CTNNA3: variants seen among roughly 807,000 people sequenced by gnomAD.
CTNNA3 encodes the protein catenin alpha 3, also known as catenin alpha-3.
CTNNA3 carries 76 observed loss-of-function variants against 95.7 expected under a neutral mutation model. That is an observed-to-expected ratio of 0.79 (90% CI 0.66 to 0.96). The LOEUF (loss-of-function observed/expected upper bound fraction) is 0.96, where lower values mean the gene tolerates loss of function less well. Among genes scored for constraint, CTNNA3 ranks in the 40% least tolerant of loss-of-function variants. The pLI is 0.00. For missense variants in CTNNA3, 1,191 were observed against 1,089.8 expected (o/e 1.09, Z -1.31); for synonymous variants, 431 against 374.4 (o/e 1.15, Z -1.74).
At chr10:65,972,499 CA>C (rs2078124806) in intron 16 of CTNNA3, among the ~76,000 whole-genome samples, 1 of 152,088 alleles carries the variant, frequency 6.6e-6, no homozygotes, top group African/African-American at 2.4e-5. Context: ...TTTTAGGATA[CA>C]AAATCATTGT....
Position 67,228,561 on chromosome 10 carries a change from T to C in CTNNA3, c.580-8691A>G, listed in dbSNP as rs1477481334. Among the ~76,000 whole-genome samples the C allele has an allele frequency of 3.9e-5, 6 of 152,026 alleles. No homozygotes were observed. The East Asian group carries it at 1.2e-3, about 30-fold the overall frequency. On this transcript the variant is annotated intron_variant, in intron 5 of 17. Transcript: ENST00000433211. The stretch of plus-strand genomic sequence containing the variant: ...CCGGAAGGTGGAAGTTGCAGTGGGC[T>C]GAGATCGTGCCACTGCACTCCAGCC...
intron 9 of CTNNA3, among the ~76,000 whole-genome samples, chr10:66,720,349 G>C (rs1030245783): frequency 5.3e-5 from 8 of 151,056 alleles, no homozygotes; most frequent in Admixed American, 1.3e-4. Context: ...AACAGCTGGA[G>C]AGCAAAGCAA....
Position 66,455,722 on chromosome 10 carries a change from A to G in CTNNA3, c.1531+64895T>C, listed in dbSNP as rs1488692865. 3.3e-5 allele frequency among the ~76,000 whole-genome samples: 5 copies of G among 152,138 alleles called. No homozygotes were observed. In the South Asian group the frequency reaches 8.3e-4, roughly 25 times the overall value. Reference sequence around the variant, plus strand: ...TCAGGCTCTGGGTTAGTGCTGCTCCACAAGGAGCTGTCATTCTGCGGTACA... The same window carrying G: ...TCAGGCTCTGGGTTAGTGCTGCTCCGCAAGGAGCTGTCATTCTGCGGTACA... On this transcript the variant is annotated intron_variant, in intron 11 of 17. Coordinates refer to ENST00000433211, the MANE Select transcript of CTNNA3 (RefSeq NM_013266.4).
At chr10:67,056,217 T>C (rs1207195527) in intron 7 of CTNNA3, among the ~76,000 whole-genome samples, 2 of 152,150 alleles carry the variant, frequency 1.3e-5, no homozygotes, top group Non-Finnish European at 2.9e-5. Flanking sequence ...ATATGGTTGG[T>C]ATACAAGTTC....
At chr10:66,399,370 T>C (rs2093002791) in intron 11 of CTNNA3, among the ~76,000 whole-genome samples, 1 of 151,836 alleles carries the variant, frequency 6.6e-6, no homozygotes, top group Admixed American at 6.6e-5. Context: ...TAGAACAATA[T>C]TATTTTAACA....
chr10:66,636,126 A>G (rs1264072281), intron 9 of CTNNA3, among the ~76,000 whole-genome samples: 1 of 151,908 alleles, frequency 6.6e-6, no homozygotes, highest in Non-Finnish European at 1.5e-5. Context: ...ATTAAATACT[A>G]TGATTTCATA....
chr10:67,216,422 C>G (rs1311263413), intron 6 of CTNNA3, among the ~76,000 whole-genome samples: 2 of 152,080 alleles, frequency 1.3e-5, no homozygotes, highest in African/African-American at 4.8e-5. Flanking sequence ...CATATACCCC[C>G]AAATACATCC....
rs541778934 is a variant in CTNNA3 at position 65,913,944 on chromosome 10, C to T, written c.*6386G>A. 5 of 152,128 alleles carry T rather than the reference C, an allele frequency of 3.3e-5. No homozygotes were observed. The highest frequency in any genetic ancestry group is 7.4e-5 in the Non-Finnish European group (5 of 68,014). 9.4% of individuals were successfully genotyped at this position (152,128 alleles called of 1,614,324 possible). A position where few individuals can be genotyped will look rare whatever the true frequency, so the allele number is the denominator to read the frequency against. On this transcript the variant is annotated 3_prime_UTR_variant, in exon 18 of 18. Coordinates refer to ENST00000433211, the MANE Select transcript of CTNNA3 (RefSeq NM_013266.4). ...TCAGAATAGAAAAGCAAGATATCTA[C>T]AGGCTTTTGAACTATTGATACAACT... is the stretch of plus-strand genomic sequence containing the variant.
At chr10:66,365,391 G>C (rs907494674) in intron 12 of CTNNA3, among the ~76,000 whole-genome samples, 1 of 152,046 alleles carries the variant, frequency 6.6e-6, no homozygotes, top group African/African-American at 2.4e-5. Flanking sequence ...CTCAGGGGCT[G>C]GGGGGACTAG....
chr10:66,774,344 G>T (rs151338814), intron 8 of CTNNA3, among the ~76,000 whole-genome samples: 2 of 151,990 alleles, frequency 1.3e-5, no homozygotes, highest in East Asian at 1.9e-4. Context: ...GTTCTGACTC[G>T]GTGCCCCATC....
intron 5 of CTNNA3, among the ~76,000 whole-genome samples, chr10:67,325,069 G>C (rs1347406152): frequency 1.3e-5 from 2 of 151,934 alleles, no homozygotes; most frequent in African/African-American, 4.8e-5. Context: ...GTATTTCTGT[G>C]GGGTCAATGG....
At chr10:67,656,491 C>G (rs1012606759) in intron 1 of CTNNA3, among the ~76,000 whole-genome samples, 1 of 151,944 alleles carries the variant, frequency 6.6e-6, no homozygotes, top group African/African-American at 2.4e-5. Flanking sequence ...GTGCCAATCA[C>G]GAGGAGAGTG....
chr10:66,104,600 T>G (rs1321649676), intron 13 of CTNNA3, among the ~76,000 whole-genome samples: 1 of 152,128 alleles, frequency 6.6e-6, no homozygotes, highest in Non-Finnish European at 1.5e-5. Context: ...CTCTCTCCCA[T>G]CCTCCCTGCT....
At chr10:67,736,777 T>C (rs529765750) in intron 1 of CTNNA3, among the ~76,000 whole-genome samples, 1 of 152,052 alleles carries the variant, frequency 6.6e-6, no homozygotes, top group Non-Finnish European at 1.5e-5. Flanking sequence ...CAAAGAAACA[T>C]TAGATTTAAC....
At chr10:66,723,746 G>C (rs1356675549) in intron 9 of CTNNA3, among the ~76,000 whole-genome samples, 3 of 152,110 alleles carry the variant, frequency 2.0e-5, no homozygotes, top group Non-Finnish European at 4.4e-5. Context: ...AGTTTCAAGG[G>C]TCTTCACTCC....
chr10:66,783,873 T>C (rs1374187371), intron 7 of CTNNA3, among the ~76,000 whole-genome samples: 1 of 152,156 alleles, frequency 6.6e-6, no homozygotes, highest in Non-Finnish European at 1.5e-5. Flanking sequence ...TAAGTCTAAT[T>C]CCTACTCTGT....
At chr10:67,114,708 A>AGGTG in intron 7 of CTNNA3, among the ~76,000 whole-genome samples, 1 of 74,528 alleles carries the variant, frequency 1.3e-5, no homozygotes, top group African/African-American at 8.0e-5. Flanking sequence ...TGGTTCTTAA[A>AGGTG]GGTGTGTGTG....
At chr10:66,519,720 A>C (rs1387877442) in intron 11 of CTNNA3, among the ~76,000 whole-genome samples, 1 of 152,038 alleles carries the variant, frequency 6.6e-6, no homozygotes, top group African/African-American at 2.4e-5. Context: ...TTCATCTTAC[A>C]TATGTTGATT....
At chr10:66,794,041 G>A (rs548239149) in intron 7 of CTNNA3, among the ~76,000 whole-genome samples, 8 of 152,174 alleles carry the variant, frequency 5.3e-5, no homozygotes, top group East Asian at 1.9e-4. Context: ...AGACTAGTAC[G>A]TTTTAATACT....
Sources: allele counts gnomAD v4.1 joint callset (sites outside exome capture counted in the v4.1 genomes callset), GRCh38; gene constraint gnomAD v4.1.1; transcripts MANE v1.5; gene names NCBI Gene and HGNC (gene_info 2026-07-23, HGNC 2026-07-21).